The following RYR1 variants were observed in gnomAD, a reference collection of about 807,000 sequenced individuals.
The protein encoded by RYR1 is ryanodine receptor 1, also known as central core disease of muscle.
Under a neutral mutation model 583.5 loss-of-function variants are expected in RYR1, and 342 were observed. That is an observed-to-expected ratio of 0.59 (90% CI 0.54 to 0.64). The LOEUF is 0.64. RYR1 is among the 30% of genes least tolerant of loss of function. RYR1 has a pLI of 0.00. For missense variants in RYR1, 6,032 were observed against 6,917.2 expected (o/e 0.87, Z 4.54); for synonymous variants, 2,791 against 2,822.5 (o/e 0.99, Z 0.35).
chr19:38,460,442 T>C lies in RYR1; in HGVS notation c.2428T>C (p.Cys810Arg). The C allele has an allele frequency of 6.2e-7, 1 of 1,614,216 alleles. No individual in the cohort carries two copies. ...KFLPPPGYAP[C>R]HEAVLPRERL... ...CCTGCCCCCACCTGGCTATGCTCCA[T>C]GCCATGAGGCTGTGCTCCCTCGAGA... Residue 810 changes from cysteine to arginine, a missense_variant, in exon 20 of 106, where the codon TGC (cysteine) becomes CGC (arginine). Transcript: ENST00000359596.
In RYR1 at chr19:38,478,102, T is replaced by TC. The variant is rs11460009; in HGVS notation, c.4454+234dup. ...CCTCCTCCTCCTCTTTATGCATTTC[T>TC]CCTATTCCATTTTCTCCTTTTCCTT... On this transcript the variant is annotated intron_variant, in intron 30 of 105. Coordinates refer to ENST00000359596, the MANE Select transcript of RYR1 (RefSeq NM_000540.3). Among the ~76,000 whole-genome samples the TC allele has an allele frequency of 0.042, 6,408 of 151,992 alleles. 408 individuals are homozygous for TC. Among genetic ancestry groups the TC allele is most frequent in the African/African-American group, 0.14 (5,691 of 41,362 alleles).
intron 42 of RYR1, among the ~76,000 whole-genome samples, chr19:38,498,804 T>G (rs1375548234): frequency 6.6e-6 from 1 of 152,164 alleles, no homozygotes; most frequent in Non-Finnish European, 1.5e-5. Context: ...GCCGGCTTCT[T>G]TACTGCAGCC....
At position 38,536,069 on chromosome 19, in the gene RYR1, T is replaced by G; in HGVS notation, c.11589T>G (p.Thr3863=). The part of the protein sequence containing the change: ...EGLGMVNEDG[T]VINRQNGEKV... ...TGGGCATGGTGAATGAGGATGGCAC[T>G]GGTGAGGCCCTCCCTTGGGCTTCCC... Residue 3863 remains threonine (T), a splice_region_variant and synonymous_variant, in exon 82 of 106, where the codon ACT becomes ACG. Coordinates refer to ENST00000359596, the MANE Select transcript of RYR1 (RefSeq NM_000540.3). 6.2e-7 allele frequency: 1 copy of G among 1,612,284 alleles called. No individual in the cohort carries two copies. Among genetic ancestry groups the G allele is most frequent in the Non-Finnish European group, 8.5e-7 (1 of 1,179,700 alleles).
chr19:38,444,520 T>C lies in RYR1; in HGVS notation c.538-64T>C. On this transcript the variant is annotated intron_variant, in intron 6 of 105. Transcript: ENST00000359596. The surrounding 1 kb of genome is among the most constrained non-coding windows in gnomAD (Gnocchi z 5.1). ...GTATCCACCCTTGATTTCTGGCCTCTGACGCTGGGACTCTCGCCCACCCCT... is the reference window on the plus strand; with the variant it reads ...GTATCCACCCTTGATTTCTGGCCTCCGACGCTGGGACTCTCGCCCACCCCT... 7.0e-7 allele frequency: 1 copy of C among 1,427,454 alleles called. No individual in the cohort carries two copies. 88.4% of individuals were successfully genotyped at this position (1,427,454 alleles called of 1,614,324 possible). A position where few individuals can be genotyped will look rare whatever the true frequency, so the allele number is the denominator to read the frequency against.
In RYR1 at chr19:38,565,298, C is replaced by T. The variant is rs1973351502; in HGVS notation, c.12964C>T (p.Arg4322Trp). ...SLRRRVRRLR[R>W]LTAREAATAV... ...GCGGCGGCGCGTGCGGCGGCTGCGGCGGCTTACGGCCCGCGAGGCGGCCAC... is the reference window on the plus strand; with the variant it reads ...GCGGCGGCGCGTGCGGCGGCTGCGGTGGCTTACGGCCCGCGAGGCGGCCAC... Residue 4322 changes from arginine (R) to tryptophan (W), a missense_variant, in exon 91 of 106, where the codon CGG (arginine) becomes TGG (tryptophan). Physicochemically the swap from Arg to Trp is moderately radical, Grantham distance 101. Transcript: ENST00000359596. The surrounding 1 kb of genome is among the most constrained non-coding windows in gnomAD (Gnocchi z 4.7). 32 of 1,060,764 alleles carry T rather than the reference C, an allele frequency of 3.0e-5. No individual in the cohort carries two copies. The highest frequency in any genetic ancestry group is 3.6e-5 in the Non-Finnish European group (32 of 880,060). The allele number at this position is 1,060,764 out of a possible 1,614,324, so 65.7% of individuals were successfully genotyped here. A position where few individuals can be genotyped will look rare whatever the true frequency, so the allele number is the denominator to read the frequency against.
At chr19:38,447,608 G>A (rs1186210531) in intron 9 of RYR1, among the ~76,000 whole-genome samples, 1 of 151,868 alleles carries the variant, frequency 6.6e-6, no homozygotes, top group East Asian at 1.9e-4. Flanking sequence ...TTGGGAAGCC[G>A]AGGCAGGTGG....
At position 38,506,298 on chromosome 19, in the gene RYR1, C is replaced by T. The variant is rs896299389; in HGVS notation, c.8542-5C>T. The stretch of plus-strand genomic sequence containing the variant: ...CCACCTCCCATCTTCCCCTTGTCCT[C>T]TCAGACCTATGATCCTCGAGAAGGC... On this transcript the variant is annotated splice_polypyrimidine_tract_variant and splice_region_variant and intron_variant, in intron 54 of 105. Transcript: ENST00000359596. 1.9e-6 allele frequency: 3 copies of T among 1,613,898 alleles called. No individual in the cohort carries two copies. The highest frequency in any genetic ancestry group is 2.7e-5 in the African/African-American group (2 of 74,876).
chr19:38,458,634 GTTTA>G (rs1350166404), intron 18 of RYR1, among the ~76,000 whole-genome samples: 4 of 151,398 alleles, frequency 2.6e-5, no homozygotes, highest in African/African-American at 9.7e-5. Context: ...TTGTTTGTTT[GTTTA>G]TTTTGAAATG....
Position 38,499,378 on chromosome 19 carries a change from C to A in RYR1, c.7027+135C>A. 1 of 1,434,484 alleles carries A rather than the reference C, an allele frequency of 7.0e-7. No homozygotes were observed. The highest frequency in any genetic ancestry group is 1.4e-5 in the African/African-American group (1 of 71,714). The allele number at this position is 1,434,484 out of a possible 1,614,324, so 88.9% of individuals were successfully genotyped here. A position where few individuals can be genotyped will look rare whatever the true frequency, so the allele number is the denominator to read the frequency against. The stretch of plus-strand genomic sequence containing the variant: ...TCCCTTCCAGCAGGCCTGGGGCTGG[C>A]AGGGGCCTGTGTTACCCCTGGAGGT... On this transcript the variant is annotated intron_variant, in intron 43 of 105. Coordinates refer to ENST00000359596, the MANE Select transcript of RYR1 (RefSeq NM_000540.3). This position sits in a 1 kb window ranked among gnomAD's most constrained non-coding sequence, Gnocchi z 7.3.
At chr19:38,545,010 C>A (rs943771381) in intron 87 of RYR1, among the ~76,000 whole-genome samples, 1 of 152,068 alleles carries the variant, frequency 6.6e-6, no homozygotes, top group African/African-American at 2.4e-5. Flanking sequence ...GCCTCAGGCT[C>A]CTATCCACTC....
chr19:38,536,576 A>C (rs1481769880), intron 82 of RYR1, among the ~76,000 whole-genome samples, 174 bp from the exon 83 acceptor site: 1 of 143,076 alleles, frequency 7.0e-6, no homozygotes, highest in African/African-American at 2.6e-5. Context: ...CTGCTAATCC[A>C]TTTCCTTCTG....
intron 99 of RYR1, 67 bp downstream of exon 99, chr19:38,578,271 T>A: frequency 6.5e-7 from 1 of 1,534,686 alleles, no homozygotes; most frequent in Non-Finnish European, 8.9e-7. Context: ...GTTCCCAACG[T>A]CGGGTGTTCC....
rs367865721 is a variant in RYR1, at chr19:38,520,878, A to G, written c.10259+1424A>G. Among the ~76,000 whole-genome samples the G allele has an allele frequency of 4.8e-4, 73 of 152,256 alleles. 1 individual carries two copies. In the South Asian group the frequency reaches 7.5e-3, roughly 16 times the overall value. On this transcript the variant is annotated intron_variant, in intron 67 of 105. Coordinates refer to ENST00000359596, the MANE Select transcript of RYR1 (RefSeq NM_000540.3). ...GAGTGAACAAGTTGTTTCTATGCAC[A>G]ATGTGATTGGCTTTCACAAATGTTA...
At chr19:38,491,773 ATC>A (rs1451337751) in intron 37 of RYR1, among the ~76,000 whole-genome samples, 8 of 152,102 alleles carry the variant, frequency 5.3e-5, no homozygotes, top group Non-Finnish European at 1.0e-4. Flanking sequence ...AGGCTAGACA[ATC>A]TCTATGTCCT....
intron 47 of RYR1, among the ~76,000 whole-genome samples, chr19:38,502,140 G>A (rs186336569): frequency 6.6e-6 from 1 of 152,324 alleles, no homozygotes; most frequent in East Asian, 1.9e-4. Flanking sequence ...CTGGGCGACA[G>A]AGACCCCTGT....
chr19:38,457,421 C>T (rs1224406581), intron 16 of RYR1, 76 bp from the exon 17 acceptor site: 1 of 1,608,972 alleles, frequency 6.2e-7, no homozygotes, highest in East Asian at 2.2e-5. Flanking sequence ...CTCCTGGCTT[C>T]CCTCCCTCCC....
At chr19:38,575,321 A>G (rs544330037) in intron 96 of RYR1, among the ~76,000 whole-genome samples, 1 of 152,260 alleles carries the variant, frequency 6.6e-6, no homozygotes, top group East Asian at 1.9e-4. Flanking sequence ...TTTGGGGTCT[A>G]GCAAAGATGG....
rs767343838 is a variant in RYR1 at position 38,500,678 on chromosome 19, C to T, written c.7396C>T (p.Leu2466Phe). The T allele has an allele frequency of 6.2e-7, 1 of 1,614,128 alleles. No homozygotes were observed. Among genetic ancestry groups the T allele is most frequent in the Admixed American group, 1.7e-5 (1 of 60,018 alleles). ...ILRSLVPLEDLVGIISLPLQI... is the reference protein window; with the variant it reads ...ILRSLVPLEDFVGIISLPLQI... ...CCGCTCCCTTGTGCCCTTGGAGGACCTTGTGGGCATCATCAGCCTCCCACT... is the reference window on the plus strand; with the variant it reads ...CCGCTCCCTTGTGCCCTTGGAGGACTTTGTGGGCATCATCAGCCTCCCACT... The change falls in exon 46 of 106, where the codon CTT (leucine) becomes TTT (phenylalanine). Residue 2466 changes from leucine to phenylalanine, a missense_variant. Physicochemically the swap from Leu to Phe is conservative, Grantham distance 22. Around this residue, in one of 11 missense-constraint regions of RYR1, gnomAD observed 2,627 missense variants for 2,961.3 expected, o/e 0.89. Coordinates refer to ENST00000359596, the MANE Select transcript of RYR1 (RefSeq NM_000540.3). The surrounding 1 kb of genome is among the most constrained non-coding windows in gnomAD (Gnocchi z 5.9).
At chr19:38,564,831 A>G (rs1973313436) in intron 90 of RYR1, 128 bp from the exon 91 acceptor site, 2 of 1,485,860 alleles carry the variant, frequency 1.3e-6, no homozygotes, top group Non-Finnish European at 1.8e-6. Flanking sequence ...TGTCTCAAAA[A>G]CAAAATACCA....
Sources: gnomAD v4.1 joint callset for allele counts (sites outside exome capture counted in the v4.1 genomes callset) on GRCh38, gnomAD v4.1.1 for gene constraint, gnomAD v4.1.1 regional missense constraint, Gnocchi (gnomAD v3.1) non-coding constraint, MANE v1.5 for transcripts, NCBI Gene and HGNC (gene_info 2026-07-23, HGNC 2026-07-21) for gene names.